PHIP: variants seen among roughly 807,000 people sequenced by gnomAD.
PHIP encodes PHIP subunit of CUL4-Ring ligase complex.
In PHIP, 54 loss-of-function variants were observed where a neutral mutation model predicts 236.8. That is an observed-to-expected ratio of 0.23 (90% confidence interval 0.18 to 0.29). The LOEUF is 0.29. PHIP is among the 10% of genes least tolerant of loss of function. PHIP has a pLI of 1.00. For missense variants in PHIP, 1,370 were observed against 2,190.8 expected, an observed-to-expected ratio of 0.63 and a Z score of 7.48; for synonymous variants, 756 against 718.9, an observed-to-expected ratio of 1.05 and a Z score of -0.83.
chr6:78,990,183 G>A (rs964844877), intron 20 of PHIP, among the ~76,000 whole-genome samples: 3 of 152,096 alleles, frequency 2.0e-5, no homozygotes, highest in Non-Finnish European at 4.4e-5. Context: ...CTAAAAAGAA[G>A]TTTCACATAG....
At chr6:79,029,688 C>T (rs1226186139) in intron 7 of PHIP, among the ~76,000 whole-genome samples, 5 of 152,120 alleles carry the variant, frequency 3.3e-5, no homozygotes, top group African/African-American at 1.2e-4. Context: ...CACCACTACA[C>T]CCAGTTAATT....
chr6:79,069,248 G>T (rs1298214301), intron 4 of PHIP, among the ~76,000 whole-genome samples: 1 of 149,930 alleles, frequency 6.7e-6, no homozygotes, highest in Non-Finnish European at 1.5e-5. Context: ...TAATTACTGT[G>T]TAAGGCCTAT....
chr6:79,020,573 A>G (rs148856247), intron 9 of PHIP, among the ~76,000 whole-genome samples: 2 of 152,228 alleles, frequency 1.3e-5, no homozygotes, highest in Admixed American at 1.3e-4. Flanking sequence ...ATCTGCTCAC[A>G]TAAGTTCCAA....
In PHIP at chr6:78,947,761, G is replaced by T; in HGVS notation, c.4068C>A (p.Ile1356=). ...DLLEYPDYRD[I]IDTPMDFATV... ...TAGCAAAATCCATTGGAGTGTCAAT[G>T]ATGTCTCTGTAGTCCTAGGAGAGGG... The change falls in exon 36 of 40, where the codon ATC becomes ATA. Residue 1356 remains isoleucine (I), a synonymous_variant. Transcript: ENST00000275034. The T allele has an allele frequency of 6.2e-7, 1 of 1,608,700 alleles. No individual in the cohort carries two copies. Among genetic ancestry groups the T allele is most frequent in the Non-Finnish European group, 8.5e-7 (1 of 1,175,472 alleles).
chr6:78,968,074 G>A (rs909045295), intron 27 of PHIP, among the ~76,000 whole-genome samples: 1 of 152,274 alleles, frequency 6.6e-6, no homozygotes, highest in South Asian at 2.1e-4. Flanking sequence ...GGTGGAACTT[G>A]CAGTGAGCCA....
In PHIP at chr6:78,937,918, C is replaced by T. The variant is rs2127674812; in HGVS notation, c.*2775G>A. The T allele has an allele frequency of 6.6e-6, 1 of 151,690 alleles. No homozygotes were observed. Among genetic ancestry groups the T allele is most frequent in the East Asian group, 1.9e-4 (1 of 5,180 alleles). The allele number at this position is 151,690 out of a possible 1,614,324, so 9.4% of individuals were successfully genotyped here. On this transcript the variant is annotated 3_prime_UTR_variant, in exon 40 of 40. Transcript: ENST00000275034. Reference sequence around the variant, plus strand: ...AATACCTAAATTGGTTTACACTTTCCATGCATGTAAGAGTTATATTTCTGA... The same window carrying T: ...AATACCTAAATTGGTTTACACTTTCTATGCATGTAAGAGTTATATTTCTGA...
chr6:78,967,764 T>G (rs1438391017), intron 27 of PHIP, among the ~76,000 whole-genome samples: 1 of 152,190 alleles, frequency 6.6e-6, no homozygotes, highest in Non-Finnish European at 1.5e-5. Flanking sequence ...GGTTATGAGC[T>G]CACTTCTGGA....
At chr6:79,043,114 A>C (rs890327702) in intron 6 of PHIP, 111 bp from the exon 7 acceptor site, 3 of 807,342 alleles carry the variant, frequency 3.7e-6, no homozygotes, top group African/African-American at 1.8e-5. Flanking sequence ...AAAAATAAAG[A>C]AGCTTTCTGA....
intron 17 of PHIP, among the ~76,000 whole-genome samples, chr6:78,998,601 T>C (rs1052280284): frequency 1.3e-5 from 2 of 152,122 alleles, no homozygotes; most frequent in East Asian, 3.8e-4. Context: ...TGAGGATGGT[T>C]GCTAACTTTT....
chr6:78,953,866 G>C (rs1039612786), intron 35 of PHIP, among the ~76,000 whole-genome samples: 3 of 151,958 alleles, frequency 2.0e-5, no homozygotes, highest in Non-Finnish European at 4.4e-5. Context: ...GATTACAGGT[G>C]TAAGACACCA....
intron 39 of PHIP, among the ~76,000 whole-genome samples, chr6:78,941,574 T>C (rs1162711292): frequency 6.6e-6 from 1 of 152,194 alleles, no homozygotes; most frequent in Admixed American, 6.5e-5. Flanking sequence ...AATAAGTGAC[T>C]TATCTAAGTT....
chr6:79,007,319 G>A (rs1036076116), intron 15 of PHIP, among the ~76,000 whole-genome samples: 4 of 152,080 alleles, frequency 2.6e-5, no homozygotes, highest in Non-Finnish European at 5.9e-5. Flanking sequence ...CTCTCCATCA[G>A]TAATAGGTAA....
chr6:79,073,630 C>T (rs75686829), intron 4 of PHIP, among the ~76,000 whole-genome samples: 2,934 of 152,016 alleles, frequency 0.019, 97 homozygotes, highest in African/African-American at 0.066. Flanking sequence ...TTAATCAGCA[C>T]ACACTAAATA....
chr6:79,060,289 A>G (rs1773309228), intron 6 of PHIP, among the ~76,000 whole-genome samples, 189 bp downstream of exon 6: 1 of 152,214 alleles, frequency 6.6e-6, no homozygotes, highest in Non-Finnish European at 1.5e-5. Flanking sequence ...CAATGTGCAC[A>G]ATCCCTCATT....
rs1562164987 is a variant in PHIP, at chr6:78,997,419, T to C, written c.2196A>G (p.Val732=). 1.2e-6 allele frequency: 2 copies of C among 1,613,774 alleles called. No individual in the cohort carries two copies. The highest frequency in any genetic ancestry group is 1.7e-6 in the Non-Finnish European group (2 of 1,179,776). ...RVVVPELSAG[V]ASRQEEWRTA... ...AAATTCACAACTTCCCTTACCTGGC[T>C]ACACCAGCTGATAGCTCGGGTACTA... Residue 732 remains valine, a synonymous_variant, in exon 19 of 40, where the codon GTA becomes GTG. Transcript: ENST00000275034.
At chr6:79,073,548 T>C (rs1025749525) in intron 4 of PHIP, among the ~76,000 whole-genome samples, 5 of 152,146 alleles carry the variant, frequency 3.3e-5, no homozygotes, top group East Asian at 3.8e-4. Context: ...TCCCTACTTC[T>C]AAAACATTTA....
intron 4 of PHIP, among the ~76,000 whole-genome samples, chr6:79,074,571 T>C (rs573881359): frequency 1.3e-5 from 2 of 152,218 alleles, no homozygotes; most frequent in South Asian, 2.1e-4. Flanking sequence ...ATTAAACGTA[T>C]ACCATAGTAC....
intron 24 of PHIP, among the ~76,000 whole-genome samples, chr6:78,972,088 CAA>C (rs1225940614): frequency 6.6e-6 from 1 of 152,246 alleles, no homozygotes. Flanking sequence ...CACAGACAAA[CAA>C]AAAGACAGCA....
chr6:78,957,696 T>A (rs1004429852), intron 32 of PHIP: 6 of 151,394 alleles, frequency 4.0e-5, no homozygotes, highest in African/African-American at 1.2e-4. Context: ...GAAAAAAAAA[T>A]TCAATACAAA....
Sources: gnomAD v4.1 joint callset for allele counts (sites outside exome capture counted in the v4.1 genomes callset) on GRCh38, gnomAD v4.1.1 for gene constraint, MANE v1.5 for transcripts, NCBI Gene and HGNC (gene_info 2026-07-23, HGNC 2026-07-21) for gene names.